ALK: variants seen among roughly 807,000 people sequenced by gnomAD.
ALK encodes ALK tyrosine kinase receptor.
Under a neutral mutation model 163.1 loss-of-function variants are expected in ALK, and 74 were observed. The observed-to-expected ratio is 0.45, with a 90% CI of 0.38 to 0.55. The LOEUF (loss-of-function observed/expected upper bound fraction) is 0.55, where lower values mean the gene tolerates loss of function less well. Among genes scored for constraint, ALK ranks in the 20% least tolerant of loss-of-function variants. ALK has a pLI of 0.00. For synonymous variants in ALK, 960 were observed against 843.2 expected (o/e 1.14, Z -2.40); for missense variants, 2,063 against 2,105.3 (o/e 0.98, Z 0.39).
intron 1 of ALK, among the ~76,000 whole-genome samples, chr2:29,869,129 TG>T (rs1666514126): frequency 6.6e-6 from 1 of 152,212 alleles, no homozygotes; most frequent in African/African-American, 2.4e-5. Flanking sequence ...ACATTTTCAC[TG>T]TACCCTTTTC....
intron 15 of ALK, among the ~76,000 whole-genome samples, chr2:29,232,026 C>G (rs2148182980): frequency 1.5e-5 from 1 of 68,014 alleles, no homozygotes; most frequent in East Asian, 2.3e-4. Context: ...GGGGGAGGCT[C>G]TAACAATTGC....
intron 5 of ALK, among the ~76,000 whole-genome samples, chr2:29,341,784 G>A (rs1329684723): frequency 1.3e-5 from 2 of 152,198 alleles, no homozygotes; most frequent in Non-Finnish European, 2.9e-5. Context: ...AATTTGATAG[G>A]TACAGTTCAG....
At chr2:29,525,649 G>T (rs1672938197) in intron 4 of ALK, among the ~76,000 whole-genome samples, 1 of 151,988 alleles carries the variant, frequency 6.6e-6, no homozygotes. Flanking sequence ...AATTAGCCAG[G>T]TGTGGTGGTG....
At chr2:29,547,756 C>A (rs192294679) in intron 3 of ALK, among the ~76,000 whole-genome samples, 129 of 152,272 alleles carry the variant, frequency 8.5e-4, no homozygotes, top group Non-Finnish European at 6.6e-4. Flanking sequence ...AAAAAAAAGA[C>A]TTGATTTAAC....
intron 8 of ALK, among the ~76,000 whole-genome samples, chr2:29,301,739 T>G (rs1371592955): frequency 6.6e-6 from 1 of 152,240 alleles, no homozygotes; most frequent in Non-Finnish European, 1.5e-5. Flanking sequence ...TTGTCTATTC[T>G]GGGACCAGGG....
At chr2:29,340,540 G>A (rs1465879649) in intron 5 of ALK, among the ~76,000 whole-genome samples, 4 of 152,178 alleles carry the variant, frequency 2.6e-5, no homozygotes, top group Non-Finnish European at 5.9e-5. Flanking sequence ...ACTTTCTAAA[G>A]AGACAAGATA....
At chr2:29,392,006 A>G (rs919966442) in intron 4 of ALK, among the ~76,000 whole-genome samples, 1 of 151,460 alleles carries the variant, frequency 6.6e-6, no homozygotes, top group African/African-American at 2.4e-5. Flanking sequence ...TTTGCACTCA[A>G]TAAGCATTAG....
chr2:29,281,289 G>A (rs906499121), intron 9 of ALK, among the ~76,000 whole-genome samples: 4 of 152,170 alleles, frequency 2.6e-5, no homozygotes, highest in Non-Finnish European at 4.4e-5. Flanking sequence ...CTCAGCTCTG[G>A]ATGGGGAAAG....
intron 6 of ALK, among the ~76,000 whole-genome samples, chr2:29,321,650 G>A (rs1281910491): frequency 1.3e-5 from 2 of 152,148 alleles, no homozygotes. Context: ...TATTGACGGA[G>A]GAGCCTCTGC....
chr2:29,624,792 A>T (rs1348670433), intron 3 of ALK, among the ~76,000 whole-genome samples: 1 of 152,188 alleles, frequency 6.6e-6, no homozygotes, highest in Non-Finnish European at 1.5e-5. Flanking sequence ...TAAAAGTAGG[A>T]CTCATTCCCT....
intron 11 of ALK, among the ~76,000 whole-genome samples, chr2:29,271,616 A>AC (rs1558647267): frequency 6.6e-6 from 1 of 151,992 alleles, no homozygotes; most frequent in Non-Finnish European, 1.5e-5. Context: ...GTTCACATTA[A>AC]CCCCCCTCAT....
chr2:29,766,158 A>G (rs557422255), intron 1 of ALK, among the ~76,000 whole-genome samples: 259 of 152,350 alleles, frequency 1.7e-3, no homozygotes, highest in African/African-American at 6.0e-3. Flanking sequence ...TTTTGCTGGT[A>G]TAAACAATGC....
chr2:29,851,498 A>G (rs1665991353), intron 1 of ALK, among the ~76,000 whole-genome samples: 1 of 152,154 alleles, frequency 6.6e-6, no homozygotes, highest in African/African-American at 2.4e-5. Context: ...ATTTTATTAA[A>G]GTCATTTTCT....
In ALK at chr2:29,251,193, G is replaced by T. The variant is rs1664807554; in HGVS notation, c.2116C>A (p.Gln706Lys). 3.1e-6 allele frequency: 5 copies of T among 1,614,166 alleles called. No homozygotes were observed. In the East Asian group the frequency reaches 8.9e-5, roughly 29 times the overall value. ...PTQAQCNNAY[Q>K]NSNLSVEVGS... The stretch of plus-strand genomic sequence containing the variant: ...ACCTCCACGCTCAGGTTGGAGTTCT[G>T]GTAGGCGTTGTTGCACTGTGCCTGG... Residue 706 changes from glutamine (Q) to lysine (K), a missense_variant, in exon 12 of 29, where the codon CAG becomes AAG. Coordinates refer to ENST00000389048, the MANE Select transcript of ALK (RefSeq NM_004304.5).
At chr2:29,211,930 T>A (rs1015616526) in intron 24 of ALK, among the ~76,000 whole-genome samples, 1 of 152,204 alleles carries the variant, frequency 6.6e-6, no homozygotes, top group African/African-American at 2.4e-5. Context: ...TTTCCAGATA[T>A]GGAAGTGACA....
chr2:29,283,867 G>A (rs1183270396), intron 9 of ALK, among the ~76,000 whole-genome samples: 2 of 152,134 alleles, frequency 1.3e-5, no homozygotes, highest in African/African-American at 4.8e-5. Flanking sequence ...CTTTCTTTGA[G>A]CAGAGATTAT....
intron 4 of ALK, among the ~76,000 whole-genome samples, chr2:29,397,905 T>A (rs1053457178): frequency 5.3e-5 from 8 of 152,238 alleles, no homozygotes. Context: ...GAATTCAGAA[T>A]TCAGGCCTCT....
intron 11 of ALK, among the ~76,000 whole-genome samples, chr2:29,267,267 A>C (rs998215787): frequency 3.3e-5 from 5 of 152,212 alleles, no homozygotes; most frequent in Non-Finnish European, 7.3e-5. Context: ...CTTCCCCAGT[A>C]GAGCTTTCAG....
intron 9 of ALK, among the ~76,000 whole-genome samples, chr2:29,285,497 G>A (rs1335703273): frequency 6.6e-6 from 1 of 151,658 alleles, no homozygotes; most frequent in Admixed American, 6.6e-5. Flanking sequence ...GGCCTCAAGT[G>A]TTCTGCCCAC....
Sources: gnomAD v4.1 joint callset for allele counts (sites outside exome capture counted in the v4.1 genomes callset) on GRCh38, gnomAD v4.1.1 for gene constraint, MANE v1.5 for transcripts, NCBI Gene and HGNC (gene_info 2026-07-23, HGNC 2026-07-21) for gene names.